RBM6: variants seen among roughly 807,000 people sequenced by gnomAD.
RBM6 encodes RNA-binding protein 6.
A neutral mutation model predicts 140.4 loss-of-function variants in RBM6; 23 were observed. That is an observed-to-expected ratio of 0.16 (90% CI 0.12 to 0.23). The LOEUF is 0.23. Ranked by LOEUF, RBM6 falls within the 10% of genes least tolerant of loss-of-function variation. The probability of loss-of-function intolerance (pLI) is 1.00; values close to 1 mark genes in which losing one functional copy is unlikely to be tolerated. For missense variants in RBM6, 1,139 were observed against 1,386.7 expected (o/e 0.82, Z 2.84); for synonymous variants, 439 against 475.6 (o/e 0.92, Z 1.00).
chr3:50,059,667 A>G lies in RBM6; in HGVS notation c.2149A>G (p.Lys717Glu), dbSNP rs201750507. 2 of 1,613,662 alleles carry G rather than the reference A, an allele frequency of 1.2e-6. No individual in the cohort carries two copies. Among genetic ancestry groups the G allele is most frequent in the South Asian group, 2.2e-5 (2 of 91,012 alleles). ...TCTATAGGAAGCTCTTCGTGTGGTG[A>G]AGATCTTACAGAACCTTGATCCGCC... is the stretch of plus-strand genomic sequence containing the variant. ...DSHAEALRVV[K>E]ILQNLDPPFS... Residue 717 changes from lysine to glutamate, a missense_variant, in exon 11 of 21, where the codon AAG becomes GAG. By Grantham distance (56) the Lys-to-Glu change is moderately conservative. Transcript: ENST00000266022.
chr3:49,975,409 G>C lies in RBM6; in HGVS notation c.1483+17G>C. On this transcript the variant is annotated intron_variant, in intron 5 of 20. Transcript: ENST00000266022. ...ATAACACAGGTGAGTTTCTTGACTT[G>C]CATATGGCCTTGGGTTAGGAAGGGT... is the stretch of plus-strand genomic sequence containing the variant. 1 of 1,594,418 alleles carries C rather than the reference G, an allele frequency of 6.3e-7. No homozygotes were observed. The highest frequency in any genetic ancestry group is 8.6e-7 in the Non-Finnish European group (1 of 1,162,208).
intron 6 of RBM6, among the ~76,000 whole-genome samples, chr3:50,033,223 G>A (rs2088287598): frequency 1.3e-5 from 2 of 152,098 alleles, no homozygotes; most frequent in Admixed American, 6.6e-5. Context: ...CTTGAACCCG[G>A]GAGGCAGAGG....
chr3:49,955,995 A>C (rs889938384), intron 1 of RBM6, among the ~76,000 whole-genome samples: 4 of 148,488 alleles, frequency 2.7e-5, no homozygotes, highest in African/African-American at 9.9e-5. Flanking sequence ...TTTTATGTTT[A>C]GCTGATTTTT....
At chr3:50,025,283 T>C (rs539553247) in intron 6 of RBM6, among the ~76,000 whole-genome samples, 8 of 151,508 alleles carry the variant, frequency 5.3e-5, no homozygotes, top group Admixed American at 5.3e-4. Context: ...ATTAGCCAGG[T>C]GTGGTGATGG....
intron 6 of RBM6, among the ~76,000 whole-genome samples, chr3:50,016,160 A>AT (rs1218987161): frequency 2.0e-5 from 3 of 152,022 alleles, no homozygotes; most frequent in Non-Finnish European, 4.4e-5. Flanking sequence ...TGAATATTTG[A>AT]TTTTTTTAGA....
intron 5 of RBM6, among the ~76,000 whole-genome samples, chr3:49,989,629 T>G (rs1032161520): frequency 2.6e-5 from 4 of 152,162 alleles, no homozygotes; most frequent in Non-Finnish European, 5.9e-5. Context: ...CAGGGATATG[T>G]TTCTTCAACT....
chr3:50,067,995 G>T (rs962150743), intron 17 of RBM6, among the ~76,000 whole-genome samples: 2 of 152,170 alleles, frequency 1.3e-5, no homozygotes, highest in East Asian at 1.9e-4. Flanking sequence ...GTTGTGAGTT[G>T]TCAGACTGAC....
rs201908552 is a variant in RBM6 at position 49,958,417 on chromosome 3, A to T, written c.-66-4159A>T. On this transcript the variant is annotated intron_variant, in intron 1 of 20. Transcript: ENST00000266022. Reference sequence around the variant, plus strand: ...AAAAATACAAAAAACAAAACAAAACAAAAAAAACTATTAGCTGGCATTGCG... The same window carrying T: ...AAAAATACAAAAAACAAAACAAAACTAAAAAAACTATTAGCTGGCATTGCG... Among the ~76,000 whole-genome samples the T allele has an allele frequency of 1.1e-4, 16 of 152,060 alleles. No individual in the cohort carries two copies. In the East Asian group the frequency reaches 2.7e-3, roughly 26 times the overall value.
In RBM6 at chr3:50,046,280, C is replaced by G. The variant is rs1314101297; in HGVS notation, c.1558-1965C>G. On this transcript the variant is annotated intron_variant, in intron 6 of 20. Coordinates refer to ENST00000266022, the MANE Select transcript of RBM6 (RefSeq NM_005777.3). ...TGAGTGACAGAGCAAGACTCTGTCT[C>G]AAAAAAAAAAAAAAGACGGCCAGGC... Among the ~76,000 whole-genome samples, 3 of 94,628 alleles carry G rather than the reference C, an allele frequency of 3.2e-5. No homozygotes were observed. In the Admixed American group the frequency reaches 3.6e-4, roughly 11 times the overall value. 62.1% of individuals were successfully genotyped at this position (94,628 alleles called of 152,430 possible). A position where few individuals can be genotyped will look rare whatever the true frequency, so the allele number is the denominator to read the frequency against.
Position 50,048,336 on chromosome 3 carries a change from C to T in RBM6, c.1632+17C>T, listed in dbSNP as rs780876346. ...TGCAAACGAGTAAGTACCAAGAATC[C>T]CTTTCTTTAGAAGTAAGTATCTGGA... On this transcript the variant is annotated intron_variant, in intron 7 of 20. Coordinates refer to ENST00000266022, the MANE Select transcript of RBM6 (RefSeq NM_005777.3). 6.2e-7 allele frequency: 1 copy of T among 1,607,830 alleles called. No homozygotes were observed. The highest frequency in any genetic ancestry group is 1.7e-5 in the Admixed American group (1 of 59,438).
At chr3:49,940,890 CTTTTTTTTTTT>C (rs55701667) in intron 1 of RBM6, 1 of 117,846 alleles carries the variant, frequency 8.5e-6, no homozygotes, top group South Asian at 2.7e-4. Context: ...TTGGGAATGC[CTTTTTTTTTTT>C]TTTTTTTTTG....
At chr3:50,002,180 C>T (rs944320329) in intron 6 of RBM6, among the ~76,000 whole-genome samples, 4 of 151,866 alleles carry the variant, frequency 2.6e-5, no homozygotes, top group East Asian at 1.9e-4. Context: ...CTCCGCCACC[C>T]GGGTTCCAGA....
At chr3:49,984,849 G>A (rs1158499563) in intron 5 of RBM6, among the ~76,000 whole-genome samples, 1 of 152,220 alleles carries the variant, frequency 6.6e-6, no homozygotes, top group Non-Finnish European at 1.5e-5. Flanking sequence ...CAGCTAAATA[G>A]CTCTGAGGAG....
chr3:50,058,433 A>C lies in RBM6; in HGVS notation c.2001A>C (p.Thr667=), dbSNP rs2089802901. 2 of 1,609,908 alleles carry C rather than the reference A, an allele frequency of 1.2e-6. No homozygotes were observed. The highest frequency in any genetic ancestry group is 2.7e-5 in the African/African-American group (2 of 74,814). The change falls in exon 10 of 21, where the codon ACA becomes ACC. Residue 667 remains threonine (T), a synonymous_variant. Coordinates refer to ENST00000266022, the MANE Select transcript of RBM6 (RefSeq NM_005777.3). ...TIMLKRIYRS[T]PPEVIVEVLE... ...TGCTAAAGCGTATCTATCGTTCCAC[A>C]CCACCTGAGGTGATAGTGGAAGTGC...
intron 8 of RBM6, 59 bp downstream of exon 8, chr3:50,054,454 G>T: frequency 1.5e-6 from 2 of 1,375,268 alleles, no homozygotes; most frequent in Non-Finnish European, 2.1e-6. Context: ...CAAATTTCAT[G>T]TTTTCCTTGG....
At chr3:50,053,028 TG>T (rs1362328728) in intron 7 of RBM6, among the ~76,000 whole-genome samples, 9 of 148,820 alleles carry the variant, frequency 6.0e-5, no homozygotes, top group East Asian at 3.9e-4. Flanking sequence ...TGTGTGTGTG[TG>T]TGTGTGTTTA....
rs748114764 is a variant in RBM6 at position 49,968,200 on chromosome 3, G to A, written c.775G>A (p.Gly259Ser). The A allele has an allele frequency of 6.2e-7, 1 of 1,614,126 alleles. No individual in the cohort carries two copies. Among genetic ancestry groups the A allele is most frequent in the Non-Finnish European group, 8.5e-7 (1 of 1,180,030 alleles). Reference sequence around the variant, plus strand: ...GGATACGCCACATTCAGATTTCAGAGGTAGACACCGATCTAGGACTGATCA... The same window carrying A: ...GGATACGCCACATTCAGATTTCAGAAGTAGACACCGATCTAGGACTGATCA... ...DRDTPHSDFR[G>S]RHRSRTDQDF... Residue 259 changes from glycine (G) to serine (S), a missense_variant, in exon 3 of 21, where the codon GGT (glycine) becomes AGT (serine). Transcript: ENST00000266022.
chr3:50,042,070 A>G (rs1056076363), intron 6 of RBM6, among the ~76,000 whole-genome samples: 2 of 152,210 alleles, frequency 1.3e-5, no homozygotes, highest in Admixed American at 6.5e-5. Flanking sequence ...ATGAGATGAT[A>G]TTGTGAAGAA....
intron 5 of RBM6, among the ~76,000 whole-genome samples, chr3:49,990,800 T>C (rs1042227705): frequency 6.6e-6 from 1 of 152,142 alleles, no homozygotes; most frequent in Non-Finnish European, 1.5e-5. Flanking sequence ...CCCAGGTGAA[T>C]TGATAGATGG....
Sources: allele counts gnomAD v4.1 joint callset (sites outside exome capture counted in the v4.1 genomes callset), GRCh38; gene constraint gnomAD v4.1.1; transcripts MANE v1.5; gene names NCBI Gene and HGNC (gene_info 2026-07-23, HGNC 2026-07-21).